The following LRRC8B variants were observed in gnomAD, a reference collection of about 807,000 sequenced individuals.
LRRC8B encodes the protein leucine rich repeat containing 8 VRAC subunit B.
A neutral mutation model predicts 58.8 loss-of-function variants in LRRC8B; 23 were observed. The observed-to-expected ratio is 0.39, with a 90% CI of 0.28 to 0.55. LRRC8B has a LOEUF of 0.55. Ranked by LOEUF, LRRC8B falls within the 20% of genes least tolerant of loss-of-function variation. The pLI is 0.62. For synonymous variants in LRRC8B, 359 were observed against 374.1 expected, an observed-to-expected ratio of 0.96 and a Z score of 0.47; for missense variants, 694 against 936.0, an observed-to-expected ratio of 0.74 and a Z score of 3.37.
rs560965508 is a variant in LRRC8B at position 89,528,904 on chromosome 1, T to C, written c.-241+3882T>C. The stretch of plus-strand genomic sequence containing the variant: ...GGATGCTGTCATATACTTCTTGTTA[T>C]ATGTCATTGCCTAGAACTTAGTAAC... On this transcript the variant is annotated intron_variant, in intron 1 of 5. Transcript: ENST00000330947. Among the ~76,000 whole-genome samples the C allele has an allele frequency of 5.3e-5, 8 of 152,356 alleles. No individual in the cohort carries two copies. The East Asian group carries it at 1.3e-3, about 26-fold the overall frequency.
At chr1:89,575,806 C>A (rs1653802527) in intron 3 of LRRC8B, among the ~76,000 whole-genome samples, 1 of 152,186 alleles carries the variant, frequency 6.6e-6, no homozygotes, top group African/African-American at 2.4e-5. Flanking sequence ...ACTCCTGCCT[C>A]TCCGTGGACC....
At chr1:89,586,707 T>C (rs1654650364) in intron 5 of LRRC8B, among the ~76,000 whole-genome samples, 4 of 152,340 alleles carry the variant, frequency 2.6e-5, no homozygotes, top group Admixed American at 2.6e-4. Flanking sequence ...GAAAATACTT[T>C]ATAACCAAAA....
chr1:89,532,443 A>G (rs1047033363), intron 1 of LRRC8B, among the ~76,000 whole-genome samples: 11 of 152,206 alleles, frequency 7.2e-5, no homozygotes, highest in African/African-American at 2.7e-4. Context: ...TGTAGTTCAC[A>G]TAGTCCCCAC....
intron 1 of LRRC8B, among the ~76,000 whole-genome samples, chr1:89,546,223 C>T (rs956066556): frequency 2.0e-5 from 3 of 152,106 alleles, no homozygotes; most frequent in African/African-American, 7.2e-5. Flanking sequence ...TGAATGTATG[C>T]TGTGGAGCCT....
At chr1:89,535,331 C>A (rs890437586) in intron 1 of LRRC8B, among the ~76,000 whole-genome samples, 2 of 152,104 alleles carry the variant, frequency 1.3e-5, no homozygotes, top group African/African-American at 4.8e-5. Flanking sequence ...AAAGATTCCC[C>A]CTTGGTGTAC....
Position 89,564,994 on chromosome 1 carries a change from G to A in LRRC8B, c.-240-3253G>A, listed in dbSNP as rs958594366. On this transcript the variant is annotated intron_variant, in intron 1 of 5. Transcript: ENST00000330947. The stretch of plus-strand genomic sequence containing the variant: ...TATAGCAGATGTAGCATTATTTACG[G>A]TGATCATTATCAGACGTTATTGGTT... 2.0e-5 allele frequency among the ~76,000 whole-genome samples: 3 copies of A among 152,276 alleles called. No homozygotes were observed. In the South Asian group the frequency reaches 6.2e-4, roughly 32 times the overall value.
intron 3 of LRRC8B, among the ~76,000 whole-genome samples, chr1:89,571,461 T>C (rs1002790855): frequency 6.6e-6 from 1 of 152,180 alleles, no homozygotes; most frequent in African/African-American, 2.4e-5. Context: ...TTGTGCCAGT[T>C]GTAAATGGGA....
At position 89,593,241 on chromosome 1, in the gene LRRC8B, G is replaced by A; in HGVS notation, c.*198G>A. On this transcript the variant is annotated 3_prime_UTR_variant, in exon 6 of 6. Coordinates refer to ENST00000330947, the MANE Select transcript of LRRC8B (RefSeq NM_001369817.2). ...ACTACAAAAAAATTAGCCAGGCGTG[G>A]TGGCGTGCGCCTGTAATCCCAGCTA... The A allele has an allele frequency of 3.7e-6, 2 of 538,558 alleles. No individual in the cohort carries two copies. The allele number at this position is 538,558 out of a possible 1,614,324, so 33.4% of individuals were successfully genotyped here. A position where few individuals can be genotyped will look rare whatever the true frequency, so the allele number is the denominator to read the frequency against.
intron 1 of LRRC8B, among the ~76,000 whole-genome samples, chr1:89,553,366 T>A (rs1180429625): frequency 6.6e-6 from 1 of 152,172 alleles, no homozygotes; most frequent in Non-Finnish European, 1.5e-5. Flanking sequence ...TAATGCCAAA[T>A]GATTTTTCCA....
chr1:89,578,843 T>A (rs1042770679), intron 3 of LRRC8B, among the ~76,000 whole-genome samples: 1 of 152,206 alleles, frequency 6.6e-6, no homozygotes, highest in African/African-American at 2.4e-5. Context: ...AAATTATCAA[T>A]ATATATGTAA....
In LRRC8B at chr1:89,583,867, C is replaced by A. The variant is rs762275783; in HGVS notation, c.1217C>A (p.Thr406Lys). 28 of 1,614,044 alleles carry A rather than the reference C, an allele frequency of 1.7e-5. No homozygotes were observed. The South Asian group carries it at 3.0e-4, about 17-fold the overall frequency. Residue 406 changes from threonine to lysine, a missense_variant, in exon 5 of 6, where the codon ACA becomes AAA. Physicochemically the swap from Thr to Lys is moderately conservative, Grantham distance 78 (BLOSUM62 -1). Coordinates refer to ENST00000330947, the MANE Select transcript of LRRC8B (RefSeq NM_001369817.2). This position sits in a 1 kb window ranked among gnomAD's most constrained non-coding sequence, Gnocchi z 5.2. ...CAGATCAACCTCAATAATGAATGGACAGTTGAGAAACTGAAAAGTAAGCTT... is the reference window on the plus strand; with the variant it reads ...CAGATCAACCTCAATAATGAATGGAAAGTTGAGAAACTGAAAAGTAAGCTT... Reference protein sequence around the residue: ...LKQINLNNEWTVEKLKSKLVK... With the variant: ...LKQINLNNEWKVEKLKSKLVK...
chr1:89,564,883 G>T (rs1652934340), intron 1 of LRRC8B, among the ~76,000 whole-genome samples: 1 of 152,212 alleles, frequency 6.6e-6, no homozygotes, highest in Non-Finnish European at 1.5e-5. Flanking sequence ...TTAAATGTTT[G>T]TATTTGGTGG....
chr1:89,548,085 A>G (rs969873585), intron 1 of LRRC8B, among the ~76,000 whole-genome samples: 5 of 152,228 alleles, frequency 3.3e-5, no homozygotes, highest in East Asian at 1.9e-4. Context: ...TTATTGGCCT[A>G]TGAATTAAAT....
intron 1 of LRRC8B, among the ~76,000 whole-genome samples, chr1:89,548,679 G>A (rs1651586770): frequency 6.6e-6 from 1 of 152,128 alleles, no homozygotes; most frequent in Admixed American, 6.5e-5. Flanking sequence ...CTGCAAATAG[G>A]AATTGAGATC....
chr1:89,536,095 C>T (rs936653924), intron 1 of LRRC8B, among the ~76,000 whole-genome samples: 1 of 152,184 alleles, frequency 6.6e-6, no homozygotes, highest in African/African-American at 2.4e-5. Flanking sequence ...TAGCAAATCT[C>T]TGCAGAAACC....
intron 3 of LRRC8B, among the ~76,000 whole-genome samples, chr1:89,576,772 G>C (rs2101036334): frequency 6.6e-6 from 1 of 152,230 alleles, no homozygotes; most frequent in East Asian, 1.9e-4. Flanking sequence ...TTTGTTATTT[G>C]AAAATCACTG....
chr1:89,550,709 C>T (rs184991111), intron 1 of LRRC8B, among the ~76,000 whole-genome samples: 1 of 152,278 alleles, frequency 6.6e-6, no homozygotes, highest in East Asian at 1.9e-4. Context: ...CTTTACTGCT[C>T]TTCCCTTTTC....
At chr1:89,560,508 G>T (rs181990177) in intron 1 of LRRC8B, among the ~76,000 whole-genome samples, 13 of 151,064 alleles carry the variant, frequency 8.6e-5, no homozygotes, top group Admixed American at 8.6e-4. Flanking sequence ...CTAGCATTAG[G>T]TATATCTCCC....
At chr1:89,561,961 C>T (rs964798988) in intron 1 of LRRC8B, among the ~76,000 whole-genome samples, 4 of 152,006 alleles carry the variant, frequency 2.6e-5, no homozygotes, top group African/African-American at 4.8e-5. Context: ...GTGAGCAGTT[C>T]GACCCCACAT....
Sources: gnomAD v4.1 joint callset for allele counts (sites outside exome capture counted in the v4.1 genomes callset) on GRCh38, gnomAD v4.1.1 for gene constraint, Gnocchi (gnomAD v3.1) non-coding constraint, MANE v1.5 for transcripts, NCBI Gene and HGNC (gene_info 2026-07-23, HGNC 2026-07-21) for gene names.